FAM174B: variants seen among roughly 807,000 people sequenced by gnomAD.
FAM174B encodes family with sequence similarity 174 member B, also known as membrane protein FAM174B.
FAM174B carries 12 observed loss-of-function variants against 10.9 expected under a neutral mutation model. The ratio of observed to expected loss-of-function variants is 1.10; its 90% CI spans 0.71 to 1.79. The LOEUF (loss-of-function observed/expected upper bound fraction) is 1.79. Among genes scored for constraint, FAM174B ranks in the 40% most tolerant of loss-of-function variants. FAM174B has a pLI of 0.00. For missense variants in FAM174B, 266 were observed against 233.3 expected (o/e 1.14, Z -0.91); for synonymous variants, 132 against 115.8 (o/e 1.14, Z -0.90).
chr15:92,632,170 C>T (rs1293557327), intron 1 of FAM174B, among the ~76,000 whole-genome samples: 1 of 152,230 alleles, frequency 6.6e-6, no homozygotes, highest in Non-Finnish European at 1.5e-5. Flanking sequence ...AATTTTGTTT[C>T]CATCATGAGG....
intron 1 of FAM174B, among the ~76,000 whole-genome samples, chr15:92,631,381 TTA>T (rs1221685508): frequency 1.7e-4 from 5 of 29,844 alleles, no homozygotes; most frequent in Non-Finnish European, 1.5e-4. Flanking sequence ...ATATAATATA[TTA>T]TATATTATAT....
At chr15:92,624,511 A>C (rs2079466426) in intron 2 of FAM174B, among the ~76,000 whole-genome samples, 1 of 152,196 alleles carries the variant, frequency 6.6e-6, no homozygotes, top group Non-Finnish European at 1.5e-5. Context: ...CCCGGGTAGC[A>C]AGCCAGGTCT....
chr15:92,625,757 T>A (rs1408396859), intron 2 of FAM174B, among the ~76,000 whole-genome samples: 2 of 152,264 alleles, frequency 1.3e-5, no homozygotes, highest in Admixed American at 6.5e-5. Context: ...CTTTCCTGTT[T>A]ATTATCTGTA....
At position 92,630,176 on chromosome 15, in the gene FAM174B, C is replaced by T. The variant is rs773165110; in HGVS notation, c.476+38G>A. On this transcript the variant is annotated intron_variant, in intron 2 of 2. Transcript: ENST00000327355. ...CCTCGAGGTCCCACCAACCCACTGC[C>T]CCAAGCCCAGGAGGAAGCCTCTGTC... 5 of 1,608,160 alleles carry T rather than the reference C, an allele frequency of 3.1e-6. No homozygotes were observed. The Admixed American group carries it at 6.7e-5, about 21-fold the overall frequency.
At chr15:92,622,248 C>T (rs1403723419) in intron 2 of FAM174B, among the ~76,000 whole-genome samples, 2 of 152,232 alleles carry the variant, frequency 1.3e-5, no homozygotes, top group African/African-American at 4.8e-5. Context: ...GCTTAAGAAA[C>T]GCCCACACAT....
At chr15:92,641,500 A>G (rs1226302882) in intron 1 of FAM174B, among the ~76,000 whole-genome samples, 3 of 152,250 alleles carry the variant, frequency 2.0e-5, no homozygotes, top group African/African-American at 7.2e-5. Flanking sequence ...AGAGCTTTTT[A>G]GGAATAACCA....
intron 1 of FAM174B, among the ~76,000 whole-genome samples, chr15:92,649,171 A>G (rs1416090953): frequency 1.3e-5 from 2 of 152,236 alleles, no homozygotes; most frequent in African/African-American, 4.8e-5. Context: ...CTACATGGGC[A>G]TGAAAGTCTA....
At chr15:92,622,243 A>G (rs1414981607) in intron 2 of FAM174B, among the ~76,000 whole-genome samples, 1 of 152,202 alleles carries the variant, frequency 6.6e-6, no homozygotes, top group Admixed American at 6.5e-5. Context: ...CGTGTGCTTA[A>G]GAAACGCCCA....
chr15:92,629,464 C>T (rs565173205), intron 2 of FAM174B, among the ~76,000 whole-genome samples: 57 of 152,296 alleles, frequency 3.7e-4, no homozygotes, highest in African/African-American at 1.3e-3. Context: ...CCCAGCCACC[C>T]ACGTCCTCAG....
At chr15:92,641,014 GA>G (rs2050888148) in intron 1 of FAM174B, among the ~76,000 whole-genome samples, 1 of 151,800 alleles carries the variant, frequency 6.6e-6, no homozygotes, top group Middle Eastern at 3.2e-3. Context: ...CAATAAAAAA[GA>G]TCAATAATCT....
chr15:92,642,507 G>C (rs996233933), intron 1 of FAM174B, among the ~76,000 whole-genome samples: 3 of 152,244 alleles, frequency 2.0e-5, no homozygotes, highest in African/African-American at 7.2e-5. Context: ...CCTTGTGGGA[G>C]GTGATTAGAT....
At chr15:92,619,683 C>T in intron 2 of FAM174B, 3 of 599,814 alleles carry the variant, frequency 5.0e-6, no homozygotes, top group Non-Finnish European at 8.9e-6. Flanking sequence ...CCCAGCTCCC[C>T]ACACAGACTC....
chr15:92,617,850 A>C lies in FAM174B; in HGVS notation c.*1606T>G. ...TCAACAAAGAAGGTGAAATGCAGGG[A>C]GCAGAGACTACACGCAGGCCCCCCG... is the stretch of plus-strand genomic sequence containing the variant. On this transcript the variant is annotated 3_prime_UTR_variant, in exon 3 of 3. Transcript: ENST00000327355. The C allele has an allele frequency of 2.1e-6, 1 of 480,414 alleles. No homozygotes were observed. The highest frequency in any genetic ancestry group is 3.6e-6 in the Non-Finnish European group (1 of 274,400). The allele number at this position is 480,414 out of a possible 1,614,324, so 29.8% of individuals were successfully genotyped here. A position where few individuals can be genotyped will look rare whatever the true frequency, so the allele number is the denominator to read the frequency against.
intron 2 of FAM174B, among the ~76,000 whole-genome samples, chr15:92,624,314 CT>C (rs2050739096): frequency 6.6e-6 from 1 of 152,158 alleles, no homozygotes; most frequent in South Asian, 2.1e-4. Flanking sequence ...CCCATTGTTT[CT>C]ATACCCACCG....
chr15:92,642,337 A>G (rs1434019318), intron 1 of FAM174B, among the ~76,000 whole-genome samples: 1 of 152,214 alleles, frequency 6.6e-6, no homozygotes, highest in East Asian at 1.9e-4. Flanking sequence ...CCATCAAAAT[A>G]CATGTCCACA....
At chr15:92,624,920 G>A (rs56412569) in intron 2 of FAM174B, among the ~76,000 whole-genome samples, 26,111 of 152,164 alleles carry the variant, frequency 0.17, 2,923 homozygotes, top group Non-Finnish European at 0.26. Flanking sequence ...ACGCCTAGAG[G>A]GTGTAACAAA....
At chr15:92,630,425 C>G in intron 1 of FAM174B, 80 bp from the exon 2 acceptor site, 1 of 1,365,280 alleles carries the variant, frequency 7.3e-7, no homozygotes, top group Non-Finnish European at 1.0e-6. Flanking sequence ...GAGGACCCGA[C>G]AGCAACTTAG....
chr15:92,643,588 A>G (rs1427757431), intron 1 of FAM174B, among the ~76,000 whole-genome samples: 1 of 152,212 alleles, frequency 6.6e-6, no homozygotes, highest in Non-Finnish European at 1.5e-5. Flanking sequence ...AATTCAATGT[A>G]AATCATTAAA....
At chr15:92,623,564 G>C (rs904320599) in intron 2 of FAM174B, among the ~76,000 whole-genome samples, 2 of 152,292 alleles carry the variant, frequency 1.3e-5, no homozygotes, top group Middle Eastern at 3.4e-3. Flanking sequence ...ACTTGCTTCT[G>C]GCCCATGTTT....
Sources: allele counts gnomAD v4.1 joint callset (sites outside exome capture counted in the v4.1 genomes callset), GRCh38; gene constraint gnomAD v4.1.1; transcripts MANE v1.5; gene names NCBI Gene and HGNC (gene_info 2026-07-23, HGNC 2026-07-21).